PTBP3: variants seen among roughly 807,000 people sequenced by gnomAD.
The protein encoded by PTBP3 is polypyrimidine tract-binding protein 3.
A neutral mutation model predicts 58.7 loss-of-function variants in PTBP3; 20 were observed. The ratio of observed to expected loss-of-function variants is 0.34; its 90% CI spans 0.24 to 0.50. The LOEUF (loss-of-function observed/expected upper bound fraction) is 0.50, where lower values mean the gene tolerates loss of function less well. Among genes scored for constraint, PTBP3 ranks in the 20% least tolerant of loss-of-function variants. PTBP3 has a pLI of 0.98. For missense variants in PTBP3, 509 were observed against 637.2 expected (o/e 0.80, Z 2.17); for synonymous variants, 185 against 219.8 (o/e 0.84, Z 1.40).
the PTBP3 span, among the ~76,000 whole-genome samples, chr9:112,375,844 C>A: frequency 0.012 from 1,878 of 152,210 alleles, 46 homozygotes; most frequent in African/African-American, 0.043. Flanking sequence ...GTCAAACGTT[C>A]AGTTTCCACC....
At chr9:112,322,381 A>AT (rs1383272602) in intron 1 of PTBP3, among the ~76,000 whole-genome samples, 4 of 152,150 alleles carry the variant, frequency 2.6e-5, no homozygotes, top group Non-Finnish European at 2.9e-5. Context: ...TGAAAGTCAC[A>AT]TATCAGAGGC....
chr9:112,275,732 T>C (rs1242525339), intron 3 of PTBP3, 112 bp downstream of exon 3: 7 of 1,016,126 alleles, frequency 6.9e-6, no homozygotes, highest in South Asian at 6.0e-5. Context: ...AACTAACTTA[T>C]GTTCATAGTA....
the PTBP3 span, among the ~76,000 whole-genome samples, chr9:112,378,988 A>C: frequency 6.6e-5 from 10 of 152,196 alleles, no homozygotes; most frequent in Admixed American, 2.6e-4. Context: ...GGAGCTCGAG[A>C]CCAGCCAGCC....
At position 112,222,679 on chromosome 9, in the gene PTBP3, A is replaced by T. The variant is rs531606241; in HGVS notation, c.*1172T>A. 61 of 984,526 alleles carry T rather than the reference A, an allele frequency of 6.2e-5. No homozygotes were observed. In the African/African-American group the frequency reaches 1.0e-3, roughly 16 times the overall value. 61.0% of individuals were successfully genotyped at this position (984,526 alleles called of 1,614,324 possible). On this transcript the variant is annotated 3_prime_UTR_variant, in exon 14 of 14. Coordinates refer to ENST00000374257, the MANE Select transcript of PTBP3 (RefSeq NM_001163788.4). ...ACCACTTAAAATTGCAATGAAAAAA[A>T]TTTTAAATCCTTACCAAAACAGAGA...
chr9:112,259,027 A>G (rs180768976), intron 5 of PTBP3, among the ~76,000 whole-genome samples: 103 of 152,160 alleles, frequency 6.8e-4, no homozygotes, highest in African/African-American at 2.4e-3. Context: ...TCTTGGTTCA[A>G]TGCAACCTCC....
intron 1 of PTBP3, among the ~76,000 whole-genome samples, chr9:112,320,281 A>AAAG: frequency 2.6e-5 from 1 of 38,846 alleles, no homozygotes; most frequent in Non-Finnish European, 4.1e-5. Flanking sequence ...CTTTCTCTTA[A>AAAG]AAAAAAAAAA....
At chr9:112,338,499 G>A (rs1387564716), upstream of PTBP3, among the ~76,000 whole-genome samples, 3 of 152,104 alleles carry the variant, frequency 2.0e-5, no homozygotes, top group East Asian at 5.8e-4. Context: ...TCAAAATAAA[G>A]AAACCTTGGC....
intron 7 of PTBP3, among the ~76,000 whole-genome samples, chr9:112,239,046 T>G (rs1835542020): frequency 6.6e-6 from 1 of 152,012 alleles, no homozygotes; most frequent in Non-Finnish European, 1.5e-5. Context: ...AAGACTAAAG[T>G]CAAATAACAT....
chr9:112,225,719 T>C (rs1468832850), intron 12 of PTBP3, among the ~76,000 whole-genome samples: 8 of 152,142 alleles, frequency 5.3e-5, no homozygotes, highest in Admixed American at 1.3e-4. Flanking sequence ...CCTATGTAGG[T>C]TGCAACTGGA....
intron 1 of PTBP3, among the ~76,000 whole-genome samples, chr9:112,311,699 A>G (rs1285870803): frequency 6.6e-6 from 1 of 152,192 alleles, no homozygotes; most frequent in Non-Finnish European, 1.5e-5. Context: ...CTGTAATCCC[A>G]GCAACTTGGG....
At position 112,251,111 on chromosome 9, in the gene PTBP3, A is replaced by G. The variant is rs377212266; in HGVS notation, c.628-8T>C. On this transcript the variant is annotated splice_region_variant and splice_polypyrimidine_tract_variant and intron_variant, in intron 6 of 13. Transcript: ENST00000374257. ...ATTCTGGCCATCCAGAGCCTAAAGC[A>G]TGTAAGAAAGGGACTGGTTTTGGCA... 4.5e-6 allele frequency: 7 copies of G among 1,546,972 alleles called. No homozygotes were observed. The highest frequency in any genetic ancestry group is 5.2e-6 in the Non-Finnish European group (6 of 1,146,080).
intron 2 of PTBP3, among the ~76,000 whole-genome samples, chr9:112,292,733 T>C (rs1828494974): frequency 6.6e-6 from 1 of 152,152 alleles, no homozygotes; most frequent in African/African-American, 2.4e-5. Flanking sequence ...GCCAAACTCT[T>C]GGAAACAGAA....
At chr9:112,348,661 T>C in the PTBP3 span, among the ~76,000 whole-genome samples, 1 of 152,204 alleles carries the variant, frequency 6.6e-6, no homozygotes, top group Non-Finnish European at 1.5e-5. Context: ...CACCTGAATC[T>C]CTCAAGTACC....
chr9:112,262,525 A>G lies in PTBP3; in HGVS notation c.426T>C (p.Asn142=). ...GSLALSGGPS[N]EGTVLPGQSP... ...TCTGCCCAGGTAGGACTGTGCCTTC[A>G]TTGGAAGGACCTCCAGAAAGGGCCA... The change falls in exon 5 of 14, where the codon AAT becomes AAC. Residue 142 remains asparagine (N), a synonymous_variant. Coordinates refer to ENST00000374257, the MANE Select transcript of PTBP3 (RefSeq NM_001163788.4). The G allele has an allele frequency of 1.2e-6, 2 of 1,612,000 alleles. No individual in the cohort carries two copies. The highest frequency in any genetic ancestry group is 1.7e-6 in the Non-Finnish European group (2 of 1,179,284).
intron 3 of PTBP3, among the ~76,000 whole-genome samples, chr9:112,271,924 G>A (rs1299973158): frequency 1.3e-5 from 2 of 152,122 alleles, no homozygotes; most frequent in African/African-American, 4.8e-5. Flanking sequence ...ACTAATAGTA[G>A]ATACCTGAAG....
chr9:112,225,442 G>C (rs774657612), intron 12 of PTBP3, among the ~76,000 whole-genome samples: 4 of 152,186 alleles, frequency 2.6e-5, no homozygotes, highest in Non-Finnish European at 4.4e-5. Flanking sequence ...AATGGGTACA[G>C]AGTTTCAGTT....
At chr9:112,259,079 G>A (rs985958258) in intron 5 of PTBP3, among the ~76,000 whole-genome samples, 14 of 152,138 alleles carry the variant, frequency 9.2e-5, no homozygotes, top group African/African-American at 3.4e-4. Flanking sequence ...AGCCTCCTGA[G>A]TAGCTGGGAC....
chr9:112,356,063 C>G, the PTBP3 span, among the ~76,000 whole-genome samples: 23 of 149,988 alleles, frequency 1.5e-4, no homozygotes, highest in African/African-American at 5.2e-4. Flanking sequence ...CCCTTTCTCT[C>G]TCTCTCTCTC....
chr9:112,220,958 CAG>C lies in PTBP3; in HGVS notation c.*2891_*2892del, dbSNP rs1052415485. The C allele has an allele frequency of 2.1e-6, 2 of 963,704 alleles. No individual in the cohort carries two copies. Among genetic ancestry groups the C allele is most frequent in the African/African-American group, 1.8e-5 (1 of 56,678 alleles). 59.7% of individuals were successfully genotyped at this position (963,704 alleles called of 1,614,324 possible). A position where few individuals can be genotyped will look rare whatever the true frequency, so the allele number is the denominator to read the frequency against. ...GATACTGAATAAATGCATGCCAAAA[CAG>C]AGATACACAGATCTAGTTTTTCCAC... On this transcript the variant is annotated 3_prime_UTR_variant, in exon 14 of 14. Coordinates refer to ENST00000374257, the MANE Select transcript of PTBP3 (RefSeq NM_001163788.4).
Sources: gnomAD v4.1 joint callset for allele counts (sites outside exome capture counted in the v4.1 genomes callset) on GRCh38, gnomAD v4.1.1 for gene constraint, MANE v1.5 for transcripts, NCBI Gene and HGNC (gene_info 2026-07-23, HGNC 2026-07-21) for gene names.